The following NTRK3 variants were observed in gnomAD, a reference collection of about 807,000 sequenced individuals.
NTRK3 encodes NT-3 growth factor receptor.
In NTRK3, 24 loss-of-function variants were observed where a neutral mutation model predicts 91.7. That is an observed-to-expected ratio of 0.26 (90% CI 0.19 to 0.37). The LOEUF (loss-of-function observed/expected upper bound fraction) is 0.37. NTRK3 is among the 10% of genes least tolerant of loss of function. NTRK3 has a pLI of 1.00. For synonymous variants in NTRK3, 483 were observed against 404.0 expected, an observed-to-expected ratio of 1.20 and a Z score of -2.34; for missense variants, 880 against 1,068.9, an observed-to-expected ratio of 0.82 and a Z score of 2.46.
chr15:88,076,462 T>C (rs1047855202), intron 13 of NTRK3, among the ~76,000 whole-genome samples: 3 of 152,116 alleles, frequency 2.0e-5, no homozygotes, highest in African/African-American at 4.8e-5. Context: ...CCTCACTACA[T>C]CATCCTCTAA....
At chr15:87,981,702 G>C (rs974042892) in intron 14 of NTRK3, among the ~76,000 whole-genome samples, 17 of 152,096 alleles carry the variant, frequency 1.1e-4, no homozygotes, top group African/African-American at 3.9e-4. Context: ...GCCCATCATT[G>C]CCATTCAGAG....
At chr15:87,935,108 T>C (rs2069148529) in intron 15 of NTRK3, among the ~76,000 whole-genome samples, 1 of 152,154 alleles carries the variant, frequency 6.6e-6, no homozygotes, top group African/African-American at 2.4e-5. Flanking sequence ...GACACTTTCC[T>C]GCCCAGCACA....
At chr15:88,174,371 C>A (rs188888859) in intron 5 of NTRK3, among the ~76,000 whole-genome samples, 23 of 152,264 alleles carry the variant, frequency 1.5e-4, no homozygotes, top group African/African-American at 4.1e-4. Context: ...CCAAAAAATA[C>A]CTCTAATGAT....
intron 13 of NTRK3, among the ~76,000 whole-genome samples, chr15:88,060,096 A>T (rs371625152): frequency 1.1e-4 from 16 of 152,224 alleles, no homozygotes; most frequent in African/African-American, 3.9e-4. Flanking sequence ...GCCGTGAAGG[A>T]GGGCACCCTG....
chr15:88,105,192 G>A (rs1437282120), intron 13 of NTRK3, among the ~76,000 whole-genome samples: 3 of 152,094 alleles, frequency 2.0e-5, no homozygotes, highest in African/African-American at 2.4e-5. Flanking sequence ...TGTCAACCAC[G>A]GCTCCTCGTC....
At chr15:88,181,609 C>A (rs76473893) in intron 5 of NTRK3, among the ~76,000 whole-genome samples, 1 of 152,208 alleles carries the variant, frequency 6.6e-6, no homozygotes, top group African/African-American at 2.4e-5. Context: ...CCCCCAAATA[C>A]GACCTCGCAC....
rs573414018 is a variant in NTRK3, at chr15:87,947,758, T to C, written c.1586-7005A>G. Among the ~76,000 whole-genome samples, 11 of 152,300 alleles carry C rather than the reference T, an allele frequency of 7.2e-5. 1 individual carries two copies. In the East Asian group the frequency reaches 1.7e-3, roughly 24 times the overall value. On this transcript the variant is annotated intron_variant, in intron 14 of 18. Transcript: ENST00000394480. ...TGAGAAGCGTGTGTTTTCTCTGCAC[T>C]AACCAGACCCTAGGGTCTCTGGCTG...
chr15:87,921,685 A>G (rs1326319314), intron 17 of NTRK3, among the ~76,000 whole-genome samples: 1 of 152,164 alleles, frequency 6.6e-6, no homozygotes, highest in East Asian at 1.9e-4. Flanking sequence ...TCTTGGGAGA[A>G]AAAGCTTGTC....
At chr15:88,070,691 C>T (rs1425924735) in intron 13 of NTRK3, among the ~76,000 whole-genome samples, 1 of 152,132 alleles carries the variant, frequency 6.6e-6, no homozygotes, top group Admixed American at 6.5e-5. Context: ...CAAGCCCAAC[C>T]ACCTGTCCAC....
At chr15:88,150,999 C>T (rs967164031) in intron 5 of NTRK3, among the ~76,000 whole-genome samples, 1 of 152,070 alleles carries the variant, frequency 6.6e-6, no homozygotes, top group African/African-American at 2.4e-5. Context: ...GCTCATCAGA[C>T]AAGAGTTTAA....
intron 14 of NTRK3, among the ~76,000 whole-genome samples, chr15:87,947,620 C>G (rs1471282986): frequency 6.6e-6 from 1 of 151,778 alleles, no homozygotes; most frequent in Non-Finnish European, 1.5e-5. Flanking sequence ...TCAGGCTCAC[C>G]CATTACAAGG....
intron 18 of NTRK3, among the ~76,000 whole-genome samples, chr15:87,879,431 A>T (rs560738309): frequency 6.6e-6 from 1 of 152,230 alleles, no homozygotes; most frequent in Non-Finnish European, 1.5e-5. Context: ...ACTGAGAAGC[A>T]TCTTGATGGG....
intron 6 of NTRK3, among the ~76,000 whole-genome samples, chr15:88,146,616 T>C (rs1438873790): frequency 3.3e-5 from 5 of 152,212 alleles, no homozygotes; most frequent in Admixed American, 1.3e-4. Context: ...TGTTCACTCA[T>C]TTGGCCTTCC....
At chr15:87,915,099 G>A (rs1297356767) in intron 17 of NTRK3, among the ~76,000 whole-genome samples, 1 of 151,908 alleles carries the variant, frequency 6.6e-6, no homozygotes, top group East Asian at 1.9e-4. Context: ...GCTGGTGATG[G>A]GGGTGGTGAT....
chr15:87,960,077 A>G (rs1184224241), intron 14 of NTRK3, among the ~76,000 whole-genome samples: 1 of 152,176 alleles, frequency 6.6e-6, no homozygotes, highest in Non-Finnish European at 1.5e-5. Flanking sequence ...CAAAACTCAT[A>G]ATGGTGAAAA....
intron 13 of NTRK3, among the ~76,000 whole-genome samples, chr15:88,062,224 T>G (rs1212557339): frequency 6.6e-6 from 1 of 152,160 alleles, no homozygotes; most frequent in African/African-American, 2.4e-5. Flanking sequence ...CATTCCCTCA[T>G]GAATACTGAG....
chr15:88,147,348 T>G (rs750731292), exon 6 of NTRK3: 3 of 1,613,550 alleles, frequency 1.9e-6, no homozygotes, highest in Non-Finnish European at 2.5e-6. Flanking sequence ...TCCCGAAGAC[T>G]CAGCGTCTGG....
At chr15:87,997,345 A>G (rs1233277091) in intron 14 of NTRK3, among the ~76,000 whole-genome samples, 1 of 152,188 alleles carries the variant, frequency 6.6e-6, no homozygotes, top group African/African-American at 2.4e-5. Context: ...GCGATGAAGC[A>G]TCAATGAGAC....
chr15:88,090,583 G>A (rs543529867), intron 13 of NTRK3, among the ~76,000 whole-genome samples: 1 of 152,292 alleles, frequency 6.6e-6, no homozygotes, highest in South Asian at 2.1e-4. Flanking sequence ...TCCTCCTCCA[G>A]AAATGACCGT....
Sources: gnomAD v4.1 joint callset for allele counts (sites outside exome capture counted in the v4.1 genomes callset) on GRCh38, gnomAD v4.1.1 for gene constraint, MANE v1.5 for transcripts, NCBI Gene and HGNC (gene_info 2026-07-23, HGNC 2026-07-21) for gene names.